RGS8: variants seen among roughly 807,000 people sequenced by gnomAD.
RGS8 encodes the protein regulator of G protein signaling 8.
Under a neutral mutation model 21.7 loss-of-function variants are expected in RGS8, and 8 were observed. The ratio of observed to expected loss-of-function variants is 0.37; its 90% CI spans 0.22 to 0.66. The LOEUF is 0.66. Ranked by LOEUF, RGS8 falls within the 30% of genes least tolerant of loss-of-function variation. RGS8 has a pLI of 0.59. For synonymous variants in RGS8, 80 were observed against 83.6 expected (o/e 0.96, Z 0.24); for missense variants, 157 against 217.9 (o/e 0.72, Z 1.76).
chr1:182,725,752 C>A, the RGS8 span, among the ~76,000 whole-genome samples: 2 of 152,168 alleles, frequency 1.3e-5, no homozygotes, highest in Admixed American at 6.5e-5. Context: ...GTCTGGAATT[C>A]GGTGGGCTCA....
chr1:182,707,806 A>T, the RGS8 span, among the ~76,000 whole-genome samples: 2 of 152,130 alleles, frequency 1.3e-5, no homozygotes, highest in Non-Finnish European at 2.9e-5. Context: ...TCCCGGGTTC[A>T]CACCATTCTC....
chr1:182,663,986 CAG>C (rs1663728421), intron 5 of RGS8, among the ~76,000 whole-genome samples: 1 of 152,200 alleles, frequency 6.6e-6, no homozygotes, highest in African/African-American at 2.4e-5. Flanking sequence ...AACTCCTTAT[CAG>C]AGTCTCCATC....
At chr1:182,690,337 A>G in the RGS8 span, among the ~76,000 whole-genome samples, 1 of 152,202 alleles carries the variant, frequency 6.6e-6, no homozygotes, top group Non-Finnish European at 1.5e-5. Context: ...TCACCTGGCT[A>G]GACCATAAGC....
At chr1:182,708,151 G>A in the RGS8 span, among the ~76,000 whole-genome samples, 4 of 152,158 alleles carry the variant, frequency 2.6e-5, no homozygotes, top group Non-Finnish European at 5.9e-5. Flanking sequence ...AGCCAAGGAC[G>A]TCTGACCCCA....
rs780608223 is a variant in RGS8 at position 182,646,689 on chromosome 1, A to C, written c.*46T>G. The C allele has an allele frequency of 1.5e-5, 23 of 1,529,184 alleles. 1 individual carries two copies. In the South Asian group the frequency reaches 2.6e-4, roughly 17 times the overall value. The allele number at this position is 1,529,184 out of a possible 1,614,324, so 94.7% of individuals were successfully genotyped here. A position where few individuals can be genotyped will look rare whatever the true frequency, so the allele number is the denominator to read the frequency against. On this transcript the variant is annotated 3_prime_UTR_variant, in exon 7 of 7. Coordinates refer to ENST00000483095, the Ensembl canonical transcript of RGS8. The stretch of plus-strand genomic sequence containing the variant: ...CACATTAGAATATGATCTTGGCAGC[A>C]AGTGGAGGGGAAAGCCGGTGATTTC...
At chr1:182,752,174 C>A in the RGS8 span, among the ~76,000 whole-genome samples, 8 of 152,200 alleles carry the variant, frequency 5.3e-5, no homozygotes, top group Non-Finnish European at 8.8e-5. Flanking sequence ...AGAGACAAGA[C>A]TTCCAAGCCA....
chr1:182,740,542 T>C, the RGS8 span, among the ~76,000 whole-genome samples: 1 of 119,494 alleles, frequency 8.4e-6, no homozygotes, highest in African/African-American at 3.3e-5. Context: ...TTTTTTTTGT[T>C]TGTTTGTTTT....
chr1:182,749,321 C>T, the RGS8 span, among the ~76,000 whole-genome samples: 3 of 152,180 alleles, frequency 2.0e-5, no homozygotes, highest in East Asian at 5.8e-4. Context: ...GATATCCAGT[C>T]TTCCCAATAC....
At chr1:182,650,440 T>A (rs1397691477) in intron 5 of RGS8, among the ~76,000 whole-genome samples, 1 of 152,224 alleles carries the variant, frequency 6.6e-6, no homozygotes, top group African/African-American at 2.4e-5. Context: ...TAGAACAGTA[T>A]CAAAAAAGCC....
At chr1:182,719,595 T>C in the RGS8 span, among the ~76,000 whole-genome samples, 1 of 151,770 alleles carries the variant, frequency 6.6e-6, no homozygotes, top group Admixed American at 6.6e-5. Flanking sequence ...TGCACCCTGC[T>C]TCCCCCTACC....
intron 5 of RGS8, among the ~76,000 whole-genome samples, chr1:182,654,894 G>A (rs1178601716): frequency 1.3e-5 from 2 of 152,022 alleles, no homozygotes; most frequent in Non-Finnish European, 2.9e-5. Flanking sequence ...TTTAGCAAGT[G>A]GCAATTGGGA....
At chr1:182,686,653 G>C (rs1664715675), upstream of RGS8, among the ~76,000 whole-genome samples, 1 of 152,190 alleles carries the variant, frequency 6.6e-6, no homozygotes, top group Non-Finnish European at 1.5e-5. Flanking sequence ...AAAACTAATT[G>C]TGTGTTTGCC....
chr1:182,659,277 G>A (rs1266726578), intron 5 of RGS8, among the ~76,000 whole-genome samples: 2 of 152,182 alleles, frequency 1.3e-5, no homozygotes, highest in African/African-American at 4.8e-5. Flanking sequence ...AATCAAGGTG[G>A]AGCCTGTATC....
chr1:182,690,657 T>TTTC, the RGS8 span, among the ~76,000 whole-genome samples: 1 of 152,202 alleles, frequency 6.6e-6, no homozygotes. Context: ...TCATCTGAAA[T>TTTC]AAATTGTTAA....
the RGS8 span, among the ~76,000 whole-genome samples, chr1:182,718,160 GGTAAGAGAGA>G: frequency 1.3e-5 from 2 of 152,248 alleles, no homozygotes; most frequent in African/African-American, 4.8e-5. Flanking sequence ...CATATCCAAA[GGTAAGAGAGA>G]GTTGGAATAT....
chr1:182,642,793 G>C (rs1246929957), downstream of RGS8: 4 of 152,192 alleles, frequency 2.6e-5, no homozygotes, highest in African/African-American at 9.7e-5. Context: ...ACCCAACGTG[G>C]GACCAAAGAG....
At chr1:182,712,079 C>A in the RGS8 span, among the ~76,000 whole-genome samples, 8 of 152,150 alleles carry the variant, frequency 5.3e-5, no homozygotes, top group African/African-American at 1.7e-4. Flanking sequence ...CTTTGTTACT[C>A]CCATTTAACA....
At chr1:182,722,466 C>G in the RGS8 span, among the ~76,000 whole-genome samples, 3 of 151,784 alleles carry the variant, frequency 2.0e-5, no homozygotes, top group African/African-American at 7.3e-5. Context: ...TGTCAGCCTG[C>G]CATGCTCCCT....
chr1:182,647,439 C>T (rs549359614), intron 6 of RGS8, among the ~76,000 whole-genome samples: 159 of 152,314 alleles, frequency 1.0e-3, no homozygotes, highest in Admixed American at 2.5e-3. Context: ...AAAGACTTCT[C>T]GCATCCCAAG....
Sources: gnomAD v4.1 joint callset for allele counts (sites outside exome capture counted in the v4.1 genomes callset) on GRCh38, gnomAD v4.1.1 for gene constraint, MANE v1.5 for transcripts, NCBI Gene and HGNC (gene_info 2026-07-23, HGNC 2026-07-21) for gene names.